Variants in PLCL2 observed in about 807,000 individuals in gnomAD.
The protein encoded by PLCL2 is inactive phospholipase C-like protein 2.
Under a neutral mutation model 79.6 loss-of-function variants are expected in PLCL2, and 4 were observed. The ratio of observed to expected loss-of-function variants is 0.05; its 90% CI spans 0.02 to 0.11. The LOEUF is 0.11. PLCL2 is among the 10% of genes least tolerant of loss of function. The pLI, the probability that PLCL2 is intolerant of heterozygous loss-of-function variation, is 1.00. For synonymous variants in PLCL2, 484 were observed against 457.7 expected (o/e 1.06, Z -0.73); for missense variants, 895 against 1,291.0 (o/e 0.69, Z 4.70).
chr3:16,931,421 C>A (rs1697389354), intron 1 of PLCL2, among the ~76,000 whole-genome samples: 1 of 152,126 alleles, frequency 6.6e-6, no homozygotes, highest in Non-Finnish European at 1.5e-5. Flanking sequence ...CCATTTCATT[C>A]TCTCCTCTCC....
At chr3:17,028,159 A>G (rs1156324409) in intron 3 of PLCL2, among the ~76,000 whole-genome samples, 23 of 152,000 alleles carry the variant, frequency 1.5e-4, no homozygotes, top group Admixed American at 1.5e-3. Flanking sequence ...GAGAGAAGGG[A>G]ATTGGGTAGA....
chr3:16,885,186 T>C lies in PLCL2; in HGVS notation c.147T>C (p.Tyr49=). ...GCCTCGGCCACGGGCGGGCGCGCTATGACAGCGGCGGGGTTTCCAACGGAG... is the reference window on the plus strand; with the variant it reads ...GCCTCGGCCACGGGCGGGCGCGCTACGACAGCGGCGGGGTTTCCAACGGAG... The part of the protein sequence containing the change: ...GGRLGHGRAR[Y]DSGGVSNGDC... The change falls in exon 1 of 6, where the codon TAT becomes TAC. Residue 49 remains tyrosine, a synonymous_variant. Coordinates refer to ENST00000615277, the MANE Select transcript of PLCL2 (RefSeq NM_001144382.2). 1.7e-6 allele frequency: 1 copy of C among 605,922 alleles called. No homozygotes were observed. Among genetic ancestry groups the C allele is most frequent in the East Asian group, 3.3e-5 (1 of 29,854 alleles). The allele number at this position is 605,922 out of a possible 1,614,324, so 37.5% of individuals were successfully genotyped here.
chr3:17,089,076 G>T (rs1019211937), intron 5 of PLCL2, among the ~76,000 whole-genome samples: 6 of 152,186 alleles, frequency 3.9e-5, no homozygotes, highest in African/African-American at 1.4e-4. Flanking sequence ...TTCAGAGATG[G>T]AGAACAGATT....
chr3:16,970,029 G>C (rs2063842611), intron 1 of PLCL2, among the ~76,000 whole-genome samples: 1 of 140,792 alleles, frequency 7.1e-6, no homozygotes, highest in African/African-American at 2.6e-5. Context: ...TGATTGTCTT[G>C]GCTTTGATTT....
Position 16,959,289 on chromosome 3 carries a change from G to A in PLCL2, c.328-50385G>A, listed in dbSNP as rs573333805. On this transcript the variant is annotated intron_variant, in intron 1 of 5. Coordinates refer to ENST00000615277, the MANE Select transcript of PLCL2 (RefSeq NM_001144382.2). ...AGGTGGTCCACGCTCCTATCTCTGCGTCTCTCCAAACCAATTTTCATTTCC... is the reference window on the plus strand; with the variant it reads ...AGGTGGTCCACGCTCCTATCTCTGCATCTCTCCAAACCAATTTTCATTTCC... Among the ~76,000 whole-genome samples the A allele has an allele frequency of 9.5e-4, 145 of 152,102 alleles. 3 individuals carry two copies. The South Asian group carries it at 0.027, about 29-fold the overall frequency.
intron 1 of PLCL2, among the ~76,000 whole-genome samples, chr3:16,890,182 A>G (rs1696313953): frequency 6.6e-6 from 1 of 152,214 alleles, no homozygotes; most frequent in Admixed American, 6.5e-5. Context: ...ATTAATTTTC[A>G]TGCCCTAAAA....
At chr3:17,078,570 T>C (rs1285209695) in intron 5 of PLCL2, among the ~76,000 whole-genome samples, 1 of 152,176 alleles carries the variant, frequency 6.6e-6, no homozygotes, top group African/African-American at 2.4e-5. Flanking sequence ...TGTGCCCCTC[T>C]ACCATCAGAA....
At chr3:16,919,787 C>G (rs1697080331) in intron 1 of PLCL2, among the ~76,000 whole-genome samples, 1 of 152,074 alleles carries the variant, frequency 6.6e-6, no homozygotes, top group Non-Finnish European at 1.5e-5. Context: ...GAGGAAGAGT[C>G]ACCTGAGGTA....
intron 5 of PLCL2, among the ~76,000 whole-genome samples, chr3:17,075,545 TAA>T (rs61190858): frequency 0.035 from 4,595 of 129,702 alleles, 102 homozygotes; most frequent in Admixed American, 0.063. Flanking sequence ...CTTCAATGTG[TAA>T]AAAAAAAAAA....
intron 5 of PLCL2, among the ~76,000 whole-genome samples, chr3:17,072,670 GA>G (rs547845475): frequency 0.19 from 14,486 of 77,150 alleles, 876 homozygotes; most frequent in Middle Eastern, 0.29. Flanking sequence ...CTGTCTCAAA[GA>G]AAAAAAAAAA....
At position 16,968,710 on chromosome 3, in the gene PLCL2, T is replaced by A. The variant is rs145481799; in HGVS notation, c.328-40964T>A. On this transcript the variant is annotated intron_variant, in intron 1 of 5. Coordinates refer to ENST00000615277, the MANE Select transcript of PLCL2 (RefSeq NM_001144382.2). ...TGTTCCAGGTATAGAATCGTATGTC[T>A]GCAAACAGAGATAGTTTGACTTTCT... 4.4e-3 allele frequency among the ~76,000 whole-genome samples: 664 copies of A among 152,240 alleles called. 3 individuals are homozygous for A. Among genetic ancestry groups the A allele is most frequent in the South Asian group, 8.9e-3 (43 of 4,820 alleles).
intron 5 of PLCL2, chr3:17,081,668 C>T (rs1474815512): frequency 6.3e-6 from 1 of 157,816 alleles, no homozygotes; most frequent in African/African-American, 2.4e-5. Context: ...TTGAGCACAG[C>T]TGGGGTGCGG....
chr3:16,973,009 A>T (rs2063889213), intron 1 of PLCL2, among the ~76,000 whole-genome samples: 1 of 152,146 alleles, frequency 6.6e-6, no homozygotes, highest in African/African-American at 2.4e-5. Flanking sequence ...ATATGTGCAG[A>T]TTTGATCCTG....
At chr3:17,075,555 A>AAG (rs2065101423) in intron 5 of PLCL2, among the ~76,000 whole-genome samples, 1 of 151,978 alleles carries the variant, frequency 6.6e-6, no homozygotes. Flanking sequence ...TAAAAAAAAA[A>AAG]AAAAAAAAAT....
At chr3:16,930,120 T>A (rs1255553935) in intron 1 of PLCL2, among the ~76,000 whole-genome samples, 4 of 152,244 alleles carry the variant, frequency 2.6e-5, no homozygotes, top group Admixed American at 2.0e-4. Flanking sequence ...ACAGTGCTCT[T>A]CTGCAGTAAA....
intron 1 of PLCL2, among the ~76,000 whole-genome samples, chr3:16,983,501 T>A (rs1000604789): frequency 2.2e-4 from 34 of 152,160 alleles, no homozygotes; most frequent in African/African-American, 8.2e-4. Flanking sequence ...AAACCCCGTC[T>A]GTACCAAAAA....
At chr3:16,931,466 T>TA (rs1275976002) in intron 1 of PLCL2, among the ~76,000 whole-genome samples, 18 of 152,320 alleles carry the variant, frequency 1.2e-4, no homozygotes, top group Admixed American at 1.2e-3. Flanking sequence ...TCTGTTCCTA[T>TA]AAAAACAATT....
intron 1 of PLCL2, among the ~76,000 whole-genome samples, chr3:16,889,398 T>C (rs909279543): frequency 1.3e-5 from 2 of 152,186 alleles, no homozygotes; most frequent in Non-Finnish European, 2.9e-5. Context: ...GTAGGAGATA[T>C]TGGAAGAAGG....
At chr3:17,079,531 G>A (rs1441930416) in intron 5 of PLCL2, among the ~76,000 whole-genome samples, 1 of 152,170 alleles carries the variant, frequency 6.6e-6, no homozygotes, top group African/African-American at 2.4e-5. Flanking sequence ...GGCTCCAGAG[G>A]TGCCATATGT....
Sources: gnomAD v4.1 joint callset for allele counts (sites outside exome capture counted in the v4.1 genomes callset) on GRCh38, gnomAD v4.1.1 for gene constraint, MANE v1.5 for transcripts, NCBI Gene and HGNC (gene_info 2026-07-23, HGNC 2026-07-21) for gene names.